RHBDL2: variants seen among roughly 807,000 people sequenced by gnomAD.
RHBDL2 encodes the protein rhomboid like 2, also known as rhomboid-related protein 2.
A neutral mutation model predicts 31.7 loss-of-function variants in RHBDL2; 26 were observed. The observed-to-expected ratio is 0.82, with a 90% CI of 0.60 to 1.14. The LOEUF is 1.14. Among genes scored for constraint, RHBDL2 ranks in the 50% most tolerant of loss-of-function variants. The probability of loss-of-function intolerance (pLI) is 0.00; values close to 1 mark genes in which losing one functional copy is unlikely to be tolerated. For missense variants in RHBDL2, 336 were observed against 364.4 expected (o/e 0.92, Z 0.63); for synonymous variants, 123 against 127.2 (o/e 0.97, Z 0.22).
intron 4 of RHBDL2, among the ~76,000 whole-genome samples, chr1:38,904,634 T>C (rs1395345640): frequency 6.6e-6 from 1 of 150,682 alleles, no homozygotes. Flanking sequence ...TTGAGACTAG[T>C]CTAGGTAATA....
intron 1 of RHBDL2, among the ~76,000 whole-genome samples, chr1:38,924,108 TTTATTA>T (rs1245838719): frequency 1.3e-5 from 2 of 152,064 alleles, no homozygotes; most frequent in East Asian, 3.9e-4. Context: ...GTTTTTAAAC[TTTATTA>T]TTATTATTAT....
rs1491187664 is a variant in RHBDL2, at chr1:38,911,659, C to CGT, written c.396-227_396-226dup. Among the ~76,000 whole-genome samples the CGT allele has an allele frequency of 9.5e-5, 14 of 147,602 alleles. 1 individual carries two copies. Among genetic ancestry groups the CGT allele is most frequent in the African/African-American group, 3.0e-4 (12 of 39,450 alleles). On this transcript the variant is annotated intron_variant, in intron 3 of 7. Transcript: ENST00000372990. ...GTGTGTGTGTGTGCGCGCGCGCGCGCGTGTGTGACTTGCTGTGTCTCCCAG... is the reference window on the plus strand; with the variant it reads ...GTGTGTGTGTGTGCGCGCGCGCGCGCGTGTGTGTGACTTGCTGTGTCTCCCAG...
intron 1 of RHBDL2, among the ~76,000 whole-genome samples, chr1:38,938,882 A>G (rs537917419): frequency 2.0e-5 from 3 of 152,342 alleles, no homozygotes; most frequent in African/African-American, 4.8e-5. Flanking sequence ...GGGCTTCCGC[A>G]TTATTCATCT....
intron 6 of RHBDL2, among the ~76,000 whole-genome samples, chr1:38,889,155 G>A (rs538572546): frequency 6.6e-6 from 1 of 152,248 alleles, no homozygotes; most frequent in Admixed American, 6.5e-5. Flanking sequence ...ATGCAGTAGT[G>A]CAATCTCGGC....
chr1:38,892,451 T>A (rs79186684), intron 6 of RHBDL2, among the ~76,000 whole-genome samples: 2,851 of 152,152 alleles, frequency 0.019, 97 homozygotes, highest in African/African-American at 0.065. Context: ...CTTCCCCCAC[T>A]CCATAAAGAT....
chr1:38,920,839 T>A (rs1360860326), intron 1 of RHBDL2, among the ~76,000 whole-genome samples: 1 of 150,534 alleles, frequency 6.6e-6, no homozygotes, highest in African/African-American at 2.4e-5. Flanking sequence ...ATGGTCTCGA[T>A]CTCCTGACCT....
chr1:38,937,192 C>A (rs189482269), intron 1 of RHBDL2, among the ~76,000 whole-genome samples: 1 of 152,038 alleles, frequency 6.6e-6, no homozygotes, highest in South Asian at 2.1e-4. Flanking sequence ...GTGATCCACC[C>A]GCCTCGGCCT....
rs541108180 is a variant in RHBDL2 at position 38,886,235 on chromosome 1, G to A, written c.*269C>T. 1.0e-4 allele frequency: 21 copies of A among 207,956 alleles called. No homozygotes were observed. The South Asian group carries it at 1.6e-3, about 15-fold the overall frequency. The allele number at this position is 207,956 out of a possible 1,614,324, so 12.9% of individuals were successfully genotyped here. ...CTCCCAAAGTGCTGGGATTACAGGC[G>A]TGAGCCACTGCGCCTGGCCCCAATC... On this transcript the variant is annotated 3_prime_UTR_variant, in exon 8 of 8. Transcript: ENST00000372990.
intron 3 of RHBDL2, among the ~76,000 whole-genome samples, chr1:38,912,623 G>C (rs1261518200): frequency 6.6e-6 from 1 of 151,444 alleles, no homozygotes; most frequent in Non-Finnish European, 1.5e-5. Flanking sequence ...TTTTCACCGT[G>C]TCACCCAGGC....
chr1:38,926,258 T>A (rs1039150500), intron 1 of RHBDL2: 1 of 1,041,140 alleles, frequency 9.6e-7, no homozygotes, highest in Non-Finnish European at 1.2e-6. Flanking sequence ...CCAGACGCCT[T>A]GCCACTGGGG....
At chr1:38,926,950 G>A (rs1287128956) in intron 1 of RHBDL2, 3 of 152,300 alleles carry the variant, frequency 2.0e-5, no homozygotes, top group Non-Finnish European at 4.4e-5. Flanking sequence ...AAGATGACAC[G>A]CAAATTCGTG....
chr1:38,888,961 T>G (rs1642819821), intron 6 of RHBDL2, among the ~76,000 whole-genome samples: 1 of 152,106 alleles, frequency 6.6e-6, no homozygotes, highest in South Asian at 2.1e-4. Flanking sequence ...GGGATAAGGT[T>G]GTGGGTGATG....
intron 1 of RHBDL2, among the ~76,000 whole-genome samples, chr1:38,930,960 C>T (rs1428435466): frequency 6.6e-6 from 1 of 152,116 alleles, no homozygotes; most frequent in Non-Finnish European, 1.5e-5. Context: ...GGGTGTTGGT[C>T]ACCCTGTCAT....
At position 38,887,909 on chromosome 1, in the gene RHBDL2, C is replaced by T. The variant is rs529689181; in HGVS notation, c.732+54G>A. The T allele has an allele frequency of 1.2e-4, 157 of 1,306,948 alleles. 1 individual carries two copies. In the African/African-American group the frequency reaches 2.1e-3, roughly 18 times the overall value. 81.0% of individuals were successfully genotyped at this position (1,306,948 alleles called of 1,614,324 possible). On this transcript the variant is annotated intron_variant, in intron 7 of 7. Transcript: ENST00000372990. ...AGCGTTGTAACCCCTATTTGATAAC[C>T]CTTTTTGACAGTAAACTAATTTCTA... is the stretch of plus-strand genomic sequence containing the variant.
intron 1 of RHBDL2, among the ~76,000 whole-genome samples, chr1:38,919,682 C>T (rs1416636459): frequency 6.6e-6 from 1 of 151,688 alleles, no homozygotes; most frequent in African/African-American, 2.4e-5. Context: ...GATCTCAGCT[C>T]ACTGCAACCT....
At chr1:38,910,546 G>A (rs573187861) in intron 4 of RHBDL2, among the ~76,000 whole-genome samples, 3 of 152,214 alleles carry the variant, frequency 2.0e-5, no homozygotes, top group East Asian at 3.9e-4. Context: ...GATCACTGAC[G>A]TATGCTACTT....
At chr1:38,909,264 T>C (rs1643110747) in intron 4 of RHBDL2, among the ~76,000 whole-genome samples, 1 of 152,086 alleles carries the variant, frequency 6.6e-6, no homozygotes, top group African/African-American at 2.4e-5. Flanking sequence ...GGCACAGGCC[T>C]GGGGGTGGAG....
chr1:38,939,942 T>C lies in RHBDL2; in HGVS notation c.-126+1740A>G, dbSNP rs202050487. On this transcript the variant is annotated intron_variant, in intron 1 of 7. Transcript: ENST00000372990. ...CCTCCTACCTCAGCCTCCCAAAATG[T>C]TGGGACTACAGGCATGAGTCACCGC... is the stretch of plus-strand genomic sequence containing the variant. Among the ~76,000 whole-genome samples, 10 of 152,004 alleles carry C rather than the reference T, an allele frequency of 6.6e-5. No individual in the cohort carries two copies. In the East Asian group the frequency reaches 1.9e-3, roughly 30 times the overall value.
intron 6 of RHBDL2, among the ~76,000 whole-genome samples, chr1:38,892,037 C>A (rs1036880681): frequency 7.9e-5 from 12 of 152,216 alleles, no homozygotes; most frequent in African/African-American, 2.9e-4. Flanking sequence ...CCTTTACTCT[C>A]AGACTCAGCT....
Sources: gnomAD v4.1 joint callset for allele counts (sites outside exome capture counted in the v4.1 genomes callset) on GRCh38, gnomAD v4.1.1 for gene constraint, MANE v1.5 for transcripts, NCBI Gene and HGNC (gene_info 2026-07-23, HGNC 2026-07-21) for gene names.